GTF2F2: variants seen among roughly 807,000 people sequenced by gnomAD.
GTF2F2 encodes general transcription factor IIF subunit 2.
A neutral mutation model predicts 42.2 loss-of-function variants in GTF2F2; 23 were observed. The ratio of observed to expected loss-of-function variants is 0.55; its 90% CI spans 0.39 to 0.77. The LOEUF (loss-of-function observed/expected upper bound fraction) is 0.77, where lower values mean the gene tolerates loss of function less well. Among genes scored for constraint, GTF2F2 ranks in the 30% least tolerant of loss-of-function variants. The pLI is 0.00. For synonymous variants in GTF2F2, 105 were observed against 100.8 expected (o/e 1.04, Z -0.25); for missense variants, 261 against 287.2 (o/e 0.91, Z 0.66).
At chr13:45,153,288 G>A (rs976481473) in intron 4 of GTF2F2, among the ~76,000 whole-genome samples, 15 of 152,014 alleles carry the variant, frequency 9.9e-5, no homozygotes, top group African/African-American at 3.6e-4. Flanking sequence ...GGAGTGCTGG[G>A]ATTACAGGCA....
chr13:45,226,296 T>G (rs758701862), intron 5 of GTF2F2, among the ~76,000 whole-genome samples: 15 of 152,232 alleles, frequency 9.9e-5, no homozygotes, highest in Non-Finnish European at 2.1e-4. Context: ...TTGTAATTTG[T>G]GTAGCTACCT....
chr13:45,168,779 G>GCTGGCTTC (rs1871427092), intron 4 of GTF2F2, among the ~76,000 whole-genome samples: 1 of 125,532 alleles, frequency 8.0e-6, no homozygotes, highest in Non-Finnish European at 1.7e-5. Context: ...CACCTGGCTG[G>GCTGGCTTC]CTTCCTTCCT....
intron 4 of GTF2F2, among the ~76,000 whole-genome samples, chr13:45,168,957 T>A (rs1374190202): frequency 7.6e-6 from 1 of 131,048 alleles, no homozygotes; most frequent in Non-Finnish European, 1.6e-5. Context: ...TTTCCCTCTT[T>A]CCCTCCTTAC....
In GTF2F2 at chr13:45,122,539, C is replaced by T. The variant is rs549139457; in HGVS notation, c.66+1818C>T. On this transcript the variant is annotated intron_variant, in intron 1 of 7. Transcript: ENST00000340473. Reference sequence around the variant, plus strand: ...GTCCCAGCTACTTGGGAGGCTGAGGCAGAAGAATCACTTGAAACCGGGAGA... The same window carrying T: ...GTCCCAGCTACTTGGGAGGCTGAGGTAGAAGAATCACTTGAAACCGGGAGA... Among the ~76,000 whole-genome samples, 3 of 152,180 alleles carry T rather than the reference C, an allele frequency of 2.0e-5. No homozygotes were observed. The South Asian group carries it at 6.2e-4, about 32-fold the overall frequency.
intron 4 of GTF2F2, among the ~76,000 whole-genome samples, chr13:45,182,852 T>C (rs548831177): frequency 4.3e-4 from 66 of 152,236 alleles, no homozygotes; most frequent in Non-Finnish European, 8.1e-4. Context: ...TCCCCCTTTT[T>C]CTTTCTGTGG....
chr13:45,225,720 T>G (rs1003370084), intron 5 of GTF2F2, among the ~76,000 whole-genome samples: 3 of 152,118 alleles, frequency 2.0e-5, no homozygotes, highest in Non-Finnish European at 4.4e-5. Context: ...ACCCAAGTAC[T>G]TCTTTAAAAA....
At chr13:45,175,310 A>G (rs1454585731) in intron 4 of GTF2F2, among the ~76,000 whole-genome samples, 1 of 152,070 alleles carries the variant, frequency 6.6e-6, no homozygotes, top group Non-Finnish European at 1.5e-5. Context: ...TCCATTGTGT[A>G]TATATACCAC....
chr13:45,156,687 A>G lies in GTF2F2; in HGVS notation c.304+4856A>G, dbSNP rs930888040. On this transcript the variant is annotated intron_variant, in intron 4 of 7. Transcript: ENST00000340473. ...GAATCGGCTGTGAGGAAATTGGAAG[A>G]TTGAGAAGCCTAGAGTGGTTTCCGT... Among the ~76,000 whole-genome samples, 30 of 152,292 alleles carry G rather than the reference A, an allele frequency of 2.0e-4. 1 individual carries two copies. Among genetic ancestry groups the G allele is most frequent in the African/African-American group, 6.3e-4 (26 of 41,554 alleles).
At position 45,120,689 on chromosome 13, in the gene GTF2F2, G is replaced by A; in HGVS notation, c.34G>A (p.Ala12Thr). The A allele has an allele frequency of 1.3e-6, 2 of 1,561,740 alleles. No homozygotes were observed. The highest frequency in any genetic ancestry group is 1.4e-5 in the African/African-American group (1 of 74,060). ...GCGCGGGGAACTCGACTTGACCGGCGCCAAACAGAACACAGGAGTGTGGCT... is the reference window on the plus strand; with the variant it reads ...GCGCGGGGAACTCGACTTGACCGGCACCAAACAGAACACAGGAGTGTGGCT... ...AERGELDLTG[A>T]KQNTGVWLVK... The change falls in exon 1 of 8, where the codon GCC (alanine) becomes ACC (threonine). Residue 12 changes from alanine (A) to threonine (T), a missense_variant. Physicochemically the swap from Ala to Thr is moderately conservative, Grantham distance 58 (BLOSUM62 0). Coordinates refer to ENST00000340473, the MANE Select transcript of GTF2F2 (RefSeq NM_004128.3).
At chr13:45,251,027 T>A (rs1182782772) in intron 5 of GTF2F2, among the ~76,000 whole-genome samples, 2 of 152,212 alleles carry the variant, frequency 1.3e-5, no homozygotes, top group Non-Finnish European at 2.9e-5. Context: ...TAAGCATGGA[T>A]TTATATGTAA....
chr13:45,186,133 C>T (rs1329816293), intron 4 of GTF2F2, among the ~76,000 whole-genome samples: 1 of 151,880 alleles, frequency 6.6e-6, no homozygotes, highest in African/African-American at 2.4e-5. Context: ...CGCCACCATG[C>T]CCAGCTAAGT....
chr13:45,125,422 C>A (rs995347727), intron 1 of GTF2F2, among the ~76,000 whole-genome samples: 2 of 152,092 alleles, frequency 1.3e-5, no homozygotes, highest in Non-Finnish European at 2.9e-5. Flanking sequence ...CAGGTTCAAG[C>A]GATTCTCCTG....
chr13:45,181,321 G>T (rs1324413155), intron 4 of GTF2F2, among the ~76,000 whole-genome samples: 1 of 151,786 alleles, frequency 6.6e-6, no homozygotes, highest in Non-Finnish European at 1.5e-5. Context: ...TTTTCAACTA[G>T]TGGCACCTTG....
At chr13:45,273,675 G>A (rs140162174) in intron 7 of GTF2F2, among the ~76,000 whole-genome samples, 4 of 71,856 alleles carry the variant, frequency 5.6e-5, no homozygotes, top group Admixed American at 3.4e-4. Flanking sequence ...TTTTTTTTGA[G>A]ACGGAGTCTT....
chr13:45,178,209 A>G (rs1871977647), intron 4 of GTF2F2, among the ~76,000 whole-genome samples: 1 of 151,866 alleles, frequency 6.6e-6, no homozygotes, highest in Non-Finnish European at 1.5e-5. Context: ...TGTCTCTGTA[A>G]TGATTTTTCT....
intron 2 of GTF2F2, among the ~76,000 whole-genome samples, chr13:45,143,248 G>C (rs1267766201): frequency 1.3e-5 from 2 of 152,138 alleles, no homozygotes; most frequent in Non-Finnish European, 2.9e-5. Context: ...TAGGTTTATA[G>C]GTTATAGGTT....
intron 5 of GTF2F2, among the ~76,000 whole-genome samples, chr13:45,214,699 A>C (rs1873820315): frequency 1.3e-5 from 2 of 152,172 alleles, no homozygotes; most frequent in Admixed American, 1.3e-4. Flanking sequence ...AAACTGATTT[A>C]ATTTGGATTA....
chr13:45,191,224 A>AAAAAAAAATATATATAT, intron 4 of GTF2F2, among the ~76,000 whole-genome samples: 15 of 75,306 alleles, frequency 2.0e-4, no homozygotes, highest in African/African-American at 5.0e-4. Context: ...ACAAAAAAAA[A>AAAAAAAAATATATATAT]ATATATATAT....
At chr13:45,235,543 A>T in intron 5 of GTF2F2, among the ~76,000 whole-genome samples, 1 of 149,952 alleles carries the variant, frequency 6.7e-6, no homozygotes, top group African/African-American at 2.4e-5. Context: ...TTAAATGGAG[A>T]TTTGATGAAG....
Sources: gnomAD v4.1 joint callset for allele counts (sites outside exome capture counted in the v4.1 genomes callset) on GRCh38, gnomAD v4.1.1 for gene constraint, MANE v1.5 for transcripts, NCBI Gene and HGNC (gene_info 2026-07-23, HGNC 2026-07-21) for gene names.